The following GPLD1 variants were observed in gnomAD, a reference collection of about 807,000 sequenced individuals.
GPLD1 encodes glycosylphosphatidylinositol specific phospholipase D1.
GPLD1 carries 84 observed loss-of-function variants against 112.6 expected under a neutral mutation model. The observed-to-expected ratio is 0.75, with a 90% CI of 0.63 to 0.89. The LOEUF (loss-of-function observed/expected upper bound fraction) is 0.89, where lower values mean the gene tolerates loss of function less well. Among genes scored for constraint, GPLD1 ranks in the 40% least tolerant of loss-of-function variants. The probability of loss-of-function intolerance (pLI) is 0.00; values close to 1 mark genes in which losing one functional copy is unlikely to be tolerated. For missense variants in GPLD1, 1,044 were observed against 1,051.5 expected, an observed-to-expected ratio of 0.99 and a Z score of 0.10; for synonymous variants, 386 against 403.8, an observed-to-expected ratio of 0.96 and a Z score of 0.53.
At chr6:24,433,338 C>A in intron 23 of GPLD1, 25 bp downstream of exon 23, 5 of 1,605,468 alleles carry the variant, frequency 3.1e-6, no homozygotes, top group Non-Finnish European at 4.3e-6. Flanking sequence ...ATTTTTCTTT[C>A]TTCAGTCTTT....
intron 7 of GPLD1, among the ~76,000 whole-genome samples, chr6:24,470,676 G>A (rs1763786035): frequency 6.6e-6 from 1 of 152,054 alleles, no homozygotes. Flanking sequence ...TCAGCTCACT[G>A]AAACCTCCGC....
upstream of GPLD1, among the ~76,000 whole-genome samples, chr6:24,491,277 T>C (rs572181312): frequency 3.0e-4 from 45 of 152,320 alleles, no homozygotes; most frequent in African/African-American, 1.0e-3. Flanking sequence ...AATTATTAAT[T>C]GGGACTTTGG....
intron 12 of GPLD1, among the ~76,000 whole-genome samples, chr6:24,459,401 A>G (rs1395932274): frequency 6.6e-6 from 1 of 152,022 alleles, no homozygotes; most frequent in Non-Finnish European, 1.5e-5. Context: ...CTACAAGTGC[A>G]CACTACCATG....
At chr6:24,453,279 T>A (rs538177188) in intron 14 of GPLD1, among the ~76,000 whole-genome samples, 1 of 152,164 alleles carries the variant, frequency 6.6e-6, no homozygotes, top group East Asian at 1.9e-4. Flanking sequence ...GATGTTAACA[T>A]AGGGGAAAAT....
chr6:24,441,974 C>G (rs1321395429), intron 20 of GPLD1, among the ~76,000 whole-genome samples: 1 of 148,156 alleles, frequency 6.7e-6, no homozygotes, highest in African/African-American at 2.5e-5. Flanking sequence ...GTTATATATA[C>G]ATTCATACAT....
At chr6:24,436,164 G>A (rs1367377924) in intron 22 of GPLD1, among the ~76,000 whole-genome samples, 1 of 152,102 alleles carries the variant, frequency 6.6e-6, no homozygotes, top group Non-Finnish European at 1.5e-5. Flanking sequence ...GCTGAGACAA[G>A]AGAATCACCT....
At chr6:24,461,839 G>A (rs535738615) in intron 11 of GPLD1, among the ~76,000 whole-genome samples, 6 of 152,166 alleles carry the variant, frequency 3.9e-5, no homozygotes, top group South Asian at 2.1e-4. Context: ...TTCCTGGCAC[G>A]TACTGATTAA....
At chr6:24,448,081 T>C in intron 16 of GPLD1, 48 bp from the exon 17 acceptor site, 1 of 1,612,432 alleles carries the variant, frequency 6.2e-7, no homozygotes, top group Non-Finnish European at 8.5e-7. Context: ...CTGGTGGCAG[T>C]TAGGATACAG....
In GPLD1 at chr6:24,482,093, T is replaced by C. The variant is rs181915926; in HGVS notation, c.154-2134A>G. ...ATCCTTCAGATATTAAAATGTATTT[T>C]TGGATTTTTTTTTTTTTTTTTTTTT... On this transcript the variant is annotated intron_variant, in intron 2 of 24. Transcript: ENST00000230036. Among the ~76,000 whole-genome samples the C allele has an allele frequency of 3.6e-3, 453 of 126,572 alleles. 6 individuals carry two copies. The highest frequency in any genetic ancestry group is 0.034 in the Middle Eastern group (8 of 234). 83.0% of individuals were successfully genotyped at this position (126,572 alleles called of 152,430 possible). A position where few individuals can be genotyped will look rare whatever the true frequency, so the allele number is the denominator to read the frequency against.
At chr6:24,451,084 G>A (rs1763064243) in intron 14 of GPLD1, among the ~76,000 whole-genome samples, 2 of 152,206 alleles carry the variant, frequency 1.3e-5, no homozygotes, top group Admixed American at 6.5e-5. Flanking sequence ...TCCCGCACTG[G>A]ACAGCACAGC....
At chr6:24,467,733 TA>T (rs1310547664) in intron 7 of GPLD1, among the ~76,000 whole-genome samples, 2 of 152,116 alleles carry the variant, frequency 1.3e-5, no homozygotes, top group Non-Finnish European at 2.9e-5. Flanking sequence ...TTTCAGAGTA[TA>T]TAAAGTATAC....
At chr6:24,474,190 CACACACACACACACACAT>C (rs1444554083) in intron 5 of GPLD1, among the ~76,000 whole-genome samples, 4 of 148,046 alleles carry the variant, frequency 2.7e-5, no homozygotes, top group East Asian at 3.9e-4. Context: ...CACACACACA[CACACACACACACACACAT>C]ATATATGCAG....
rs534777574 is a variant in GPLD1 at position 24,446,989 on chromosome 6, A to C, written c.1679-10T>G. On this transcript the variant is annotated splice_polypyrimidine_tract_variant and intron_variant, in intron 17 of 24. Transcript: ENST00000230036. ...TCCACGTTCAGTTTTTCTAAAGAAG[A>C]CAACTCATCCTTTTTACTAATACTT... is the stretch of plus-strand genomic sequence containing the variant. 1.1e-5 allele frequency: 17 copies of C among 1,611,860 alleles called. No individual in the cohort carries two copies. The South Asian group carries it at 1.8e-4, about 17-fold the overall frequency.
chr6:24,477,297 A>G (rs1175981327), intron 3 of GPLD1, among the ~76,000 whole-genome samples: 1 of 148,894 alleles, frequency 6.7e-6, no homozygotes, highest in East Asian at 2.0e-4. Context: ...CTGCCCAGAG[A>G]CTTGAACTTA....
rs1025816897 is a variant in GPLD1 at position 24,427,877 on chromosome 6, C to T, written c.*1155G>A. Among the ~76,000 whole-genome samples the T allele has an allele frequency of 8.9e-5, 13 of 145,484 alleles. No individual in the cohort carries two copies. The highest frequency in any genetic ancestry group is 3.6e-3 in the Middle Eastern group (1 of 276). ...AAAAAAAAAAAAAAAGGACTATCAT[C>T]CTTAGCAAACTAACACACGACCAGG... On this transcript the variant is annotated 3_prime_UTR_variant, in exon 25 of 25. Coordinates refer to ENST00000230036, the MANE Select transcript of GPLD1 (RefSeq NM_001503.4).
intron 22 of GPLD1, among the ~76,000 whole-genome samples, chr6:24,433,731 G>C (rs1157747924): frequency 1.3e-5 from 2 of 151,852 alleles, no homozygotes; most frequent in African/African-American, 4.8e-5. Context: ...CTCACCTCAG[G>C]TGATCCACCC....
At chr6:24,450,032 T>C in intron 14 of GPLD1, 133 bp from the exon 15 acceptor site, 1 of 599,444 alleles carries the variant, frequency 1.7e-6, no homozygotes, top group South Asian at 2.0e-5. Flanking sequence ...TGCAGTAAGC[T>C]ATAACATATC....
intron 2 of GPLD1, among the ~76,000 whole-genome samples, chr6:24,485,626 A>G (rs1764345244): frequency 6.6e-6 from 1 of 152,156 alleles, no homozygotes; most frequent in Non-Finnish European, 1.5e-5. Flanking sequence ...TATAACATTA[A>G]TAACATAATA....
upstream of GPLD1, among the ~76,000 whole-genome samples, chr6:24,494,196 A>G (rs1764628588): frequency 6.6e-6 from 1 of 152,184 alleles, no homozygotes; most frequent in Admixed American, 6.5e-5. Context: ...TTTGAACGCT[A>G]TATTGAATTT....
Sources: allele counts gnomAD v4.1 joint callset (sites outside exome capture counted in the v4.1 genomes callset), GRCh38; gene constraint gnomAD v4.1.1; transcripts MANE v1.5; gene names NCBI Gene and HGNC (gene_info 2026-07-23, HGNC 2026-07-21).